RAB28: variants seen among roughly 807,000 people sequenced by gnomAD.
RAB28 encodes the protein RAB28, member RAS oncogene family.
RAB28 carries 24 observed loss-of-function variants against 31.7 expected under a neutral mutation model. The ratio of observed to expected loss-of-function variants is 0.76; its 90% CI spans 0.55 to 1.06. The LOEUF (loss-of-function observed/expected upper bound fraction) is 1.06, where lower values mean the gene tolerates loss of function less well. Ranked by LOEUF, RAB28 falls within the 50% of genes least tolerant of loss-of-function variation. The pLI is 0.00. For missense variants in RAB28, 254 were observed against 258.5 expected, an observed-to-expected ratio of 0.98 and a Z score of 0.12; for synonymous variants, 100 against 90.4, an observed-to-expected ratio of 1.11 and a Z score of -0.60.
At chr4:13,426,706 G>A (rs139291597) in intron 4 of RAB28, among the ~76,000 whole-genome samples, 1,759 of 152,130 alleles carry the variant, frequency 0.012, 13 homozygotes, top group Non-Finnish European at 0.018. Context: ...TCCTCAACAA[G>A]TATTTGCTAA....
At chr4:13,436,421 T>C (rs930031006) in intron 4 of RAB28, among the ~76,000 whole-genome samples, 1 of 152,184 alleles carries the variant, frequency 6.6e-6, no homozygotes, top group Non-Finnish European at 1.5e-5. Context: ...AAACTGTCAC[T>C]GTTCACCAAC....
At chr4:13,393,855 C>CCAA (rs1729754434) in intron 4 of RAB28, among the ~76,000 whole-genome samples, 2 of 79,380 alleles carry the variant, frequency 2.5e-5, no homozygotes, top group African/African-American at 1.0e-4. Flanking sequence ...TCACAGGCTA[C>CCAA]AAAAAAAAAA....
chr4:13,441,918 C>T (rs1487423752), intron 4 of RAB28, among the ~76,000 whole-genome samples: 4 of 152,162 alleles, frequency 2.6e-5, no homozygotes, highest in Non-Finnish European at 5.9e-5. Context: ...AAAATGTGAG[C>T]TCATCGTCCT....
intron 3 of RAB28, among the ~76,000 whole-genome samples, chr4:13,462,028 A>G (rs553492358): frequency 2.5e-4 from 38 of 152,332 alleles, no homozygotes; most frequent in African/African-American, 8.7e-4. Flanking sequence ...AATTAAAAAC[A>G]TTTGTCTGTC....
chr4:13,474,536 A>G (rs1317929889), intron 2 of RAB28, 130 bp from the exon 3 acceptor site: 6 of 498,436 alleles, frequency 1.2e-5, no homozygotes, highest in Non-Finnish European at 2.1e-5. Context: ...CTTTATGTGC[A>G]GGCTCACATG....
At chr4:13,421,881 A>G (rs774097790) in intron 4 of RAB28, among the ~76,000 whole-genome samples, 17 of 152,356 alleles carry the variant, frequency 1.1e-4, no homozygotes, top group Non-Finnish European at 2.1e-4. Flanking sequence ...CGATGGCAGC[A>G]AAAGCCAAAA....
chr4:13,393,159 C>G (rs1729720566), intron 4 of RAB28, among the ~76,000 whole-genome samples: 1 of 152,122 alleles, frequency 6.6e-6, no homozygotes, highest in Non-Finnish European at 1.5e-5. Flanking sequence ...ATAAGACAAT[C>G]TATAACAGGA....
intron 4 of RAB28, among the ~76,000 whole-genome samples, chr4:13,438,130 G>A (rs915625915): frequency 1.3e-5 from 2 of 152,200 alleles, no homozygotes; most frequent in African/African-American, 2.4e-5. Flanking sequence ...TTCGAGTTTC[G>A]TATGCATGAT....
chr4:13,374,708 A>T (rs968597497), intron 6 of RAB28, among the ~76,000 whole-genome samples: 5 of 151,906 alleles, frequency 3.3e-5, no homozygotes, highest in African/African-American at 1.2e-4. Context: ...CATCCATCCA[A>T]CCTTTCCATT....
At chr4:13,405,038 G>C (rs905220435) in intron 4 of RAB28, among the ~76,000 whole-genome samples, 4 of 150,578 alleles carry the variant, frequency 2.7e-5, no homozygotes, top group African/African-American at 9.8e-5. Context: ...ATTTTTAAAA[G>C]ATCCAACATA....
chr4:13,371,123 G>A (rs768347625), intron 6 of RAB28: 13 of 985,266 alleles, frequency 1.3e-5, no homozygotes, highest in Non-Finnish European at 1.6e-5. Context: ...ATAAACAATC[G>A]AGAGTAAATG....
At chr4:13,454,019 T>C (rs1715153466) in intron 4 of RAB28, among the ~76,000 whole-genome samples, 1 of 152,112 alleles carries the variant, frequency 6.6e-6, no homozygotes, top group Admixed American at 6.5e-5. Flanking sequence ...ATACATTTTC[T>C]TCATTTTTTT....
At chr4:13,443,242 C>T (rs1233263973) in intron 4 of RAB28, among the ~76,000 whole-genome samples, 1 of 151,440 alleles carries the variant, frequency 6.6e-6, no homozygotes, top group South Asian at 2.1e-4. Flanking sequence ...GGCACGATCT[C>T]GGCTCACTGC....
At chr4:13,448,627 T>C (rs1714816667) in intron 4 of RAB28, among the ~76,000 whole-genome samples, 1 of 152,050 alleles carries the variant, frequency 6.6e-6, no homozygotes, top group African/African-American at 2.4e-5. Flanking sequence ...CAGCACTCAT[T>C]TGCTATTTTA....
chr4:13,409,624 A>G (rs1488655356), intron 4 of RAB28, among the ~76,000 whole-genome samples: 7 of 152,196 alleles, frequency 4.6e-5, no homozygotes, highest in Admixed American at 4.6e-4. Flanking sequence ...AAGGTCAGCT[A>G]GCAAATCAGT....
chr4:13,404,277 C>G (rs998479427), intron 4 of RAB28, among the ~76,000 whole-genome samples: 1 of 152,072 alleles, frequency 6.6e-6, no homozygotes, highest in African/African-American at 2.4e-5. Context: ...ACTTGGGAGG[C>G]TGAGGCAGGA....
chr4:13,382,623 A>G (rs1335756588), intron 4 of RAB28, among the ~76,000 whole-genome samples: 1 of 151,544 alleles, frequency 6.6e-6, no homozygotes, highest in Admixed American at 6.6e-5. Context: ...TTCTCTCTCT[A>G]GGAGATTTTT....
intron 4 of RAB28, among the ~76,000 whole-genome samples, chr4:13,390,553 T>C (rs557846820): frequency 4.0e-5 from 6 of 151,436 alleles, no homozygotes; most frequent in African/African-American, 1.5e-4. Flanking sequence ...CTTCACAGAA[T>C]TGGAAAAAAC....
intron 1 of RAB28, among the ~76,000 whole-genome samples, chr4:13,479,822 A>G (rs1256589722): frequency 6.6e-6 from 1 of 151,620 alleles, no homozygotes; most frequent in African/African-American, 2.4e-5. Flanking sequence ...CAACAGAAAA[A>G]AAAACTAAAA....
Sources: allele counts gnomAD v4.1 joint callset (sites outside exome capture counted in the v4.1 genomes callset), GRCh38; gene constraint gnomAD v4.1.1; transcripts MANE v1.5; gene names NCBI Gene and HGNC (gene_info 2026-07-23, HGNC 2026-07-21).